EMC9: variants seen among roughly 807,000 people sequenced by gnomAD.
EMC9 encodes ER membrane protein complex subunit 9.
In EMC9, 20 loss-of-function variants were observed where a neutral mutation model predicts 25.0. The observed-to-expected ratio is 0.80, with a 90% CI of 0.56 to 1.16. EMC9 has a LOEUF of 1.16. EMC9 is among the 50% of genes most tolerant of loss of function. EMC9 has a pLI of 0.00. For synonymous variants in EMC9, 100 were observed against 107.0 expected, an observed-to-expected ratio of 0.93 and a Z score of 0.40; for missense variants, 256 against 268.7, an observed-to-expected ratio of 0.95 and a Z score of 0.33.
Position 24,139,873 on chromosome 14 carries a change from C to A in EMC9, c.276-259G>T, listed in dbSNP as rs2038010108. The stretch of plus-strand genomic sequence containing the variant: ...TTGGAAGGTAATTTGGCATAACCAT[C>A]CAAATTGAAACTGTATACATACTAT... On this transcript the variant is annotated intron_variant, in intron 3 of 5. Transcript: ENST00000216799. The surrounding 1 kb of genome is among the most constrained non-coding windows in gnomAD (Gnocchi z 4.6). The A allele has an allele frequency of 4.1e-6, 4 of 963,970 alleles. No homozygotes were observed. The highest frequency in any genetic ancestry group is 6.2e-6 in the Non-Finnish European group (4 of 647,384). The allele number at this position is 963,970 out of a possible 1,614,324, so 59.7% of individuals were successfully genotyped here.
At chr14:24,140,795 G>GCCC in intron 3 of EMC9, 94 bp downstream of exon 3, 5 of 1,030,714 alleles carry the variant, frequency 4.9e-6, no homozygotes, top group Non-Finnish European at 7.4e-6. Context: ...GTGCGCCCCC[G>GCCC]CCCCGCCCAC....
At chr14:24,140,848 C>CGAT in intron 3 of EMC9, 41 bp downstream of exon 3, 1 of 1,609,294 alleles carries the variant, frequency 6.2e-7, no homozygotes, top group Admixed American at 1.7e-5. Context: ...ATCCCCAACC[C>CGAT]GCCATAATCC....
intron 3 of EMC9, among the ~76,000 whole-genome samples, chr14:24,140,610 T>G (rs2038030793): frequency 6.8e-6 from 1 of 146,498 alleles, no homozygotes; most frequent in Non-Finnish European, 1.5e-5. Context: ...AAAAAAAAAA[T>G]CAGTCTGTTG....
At chr14:24,140,799 CGCCCACCG>C in intron 3 of EMC9, 82 bp downstream of exon 3, 2 of 1,381,106 alleles carry the variant, frequency 1.4e-6, no homozygotes, top group Non-Finnish European at 2.0e-6. Context: ...GCCCCCGCCC[CGCCCACCG>C]CCCCACGCAT....
At chr14:24,140,146 AATAT>A (rs57120459) in intron 3 of EMC9, 5,731 of 154,660 alleles carry the variant, frequency 0.037, 126 homozygotes, top group African/African-American at 0.054. Context: ...GTATATGATT[AATAT>A]ATATATATAT....
rs1594361001 is a variant in EMC9 at position 24,139,624 on chromosome 14, G to A, written c.276-10C>T. ...GGCCAGGGGCCCAGGGCTGTGTAGA[G>A]GGAAGATCAGAGGAGTGAGGAGCCA... On this transcript the variant is annotated splice_polypyrimidine_tract_variant and intron_variant, in intron 3 of 5. Coordinates refer to ENST00000216799, the MANE Select transcript of EMC9 (RefSeq NM_016049.4). This position sits in a 1 kb window ranked among gnomAD's most constrained non-coding sequence, Gnocchi z 4.6. 1 of 1,613,106 alleles carries A rather than the reference G, an allele frequency of 6.2e-7. No individual in the cohort carries two copies. Among genetic ancestry groups the A allele is most frequent in the East Asian group, 2.2e-5 (1 of 44,870 alleles).
Position 24,139,660 on chromosome 14 carries a change from A to G in EMC9, c.276-46T>C. On this transcript the variant is annotated intron_variant, in intron 3 of 5. Transcript: ENST00000216799. This position sits in a 1 kb window ranked among gnomAD's most constrained non-coding sequence, Gnocchi z 4.6. ...AGGAGTGAGGAGCCAACTGTGGGCA[A>G]AACCCATCCATTTGAGCTGGGCCTC... The G allele has an allele frequency of 6.3e-7, 1 of 1,598,702 alleles. No individual in the cohort carries two copies. Among genetic ancestry groups the G allele is most frequent in the Non-Finnish European group, 8.5e-7 (1 of 1,172,248 alleles).
At position 24,140,926 on chromosome 14, in the gene EMC9, C is replaced by A; in HGVS notation, c.238G>T (p.Gly80Cys). The change falls in exon 3 of 6, where the codon GGT (glycine) becomes TGT (cysteine). Residue 80 changes from glycine (G) to cysteine (C), a missense_variant. Transcript: ENST00000216799. ...WGAQAGLVVA[G>C]YYHANAAVND... ...ACAGCTGCATTGGCATGGTAGTAAC[C>A]AGCCACCACCAGACCGGCCTGTGCT... 1.9e-6 allele frequency: 3 copies of A among 1,614,256 alleles called. No homozygotes were observed. Among genetic ancestry groups the A allele is most frequent in the Non-Finnish European group, 2.5e-6 (3 of 1,180,054 alleles).
intron 2 of EMC9, 22 bp from the exon 3 acceptor site, chr14:24,140,987 C>T: frequency 6.2e-7 from 1 of 1,614,254 alleles, no homozygotes; most frequent in Non-Finnish European, 8.5e-7. Context: ...AAGGGGCCAT[C>T]AGTAATTAAA....
At position 24,139,159 on chromosome 14, in the gene EMC9, C is replaced by T. The variant is rs1224530822; in HGVS notation, c.478G>A (p.Val160Met). 1.9e-6 allele frequency: 3 copies of T among 1,614,194 alleles called. No individual in the cohort carries two copies. Among genetic ancestry groups the T allele is most frequent in the Non-Finnish European group, 2.5e-6 (3 of 1,180,026 alleles). Residue 160 changes from valine (V) to methionine (M), a missense_variant, in exon 6 of 6, where the codon GTG becomes ATG. By Grantham distance (21) the Val-to-Met change is conservative. Transcript: ENST00000216799. The surrounding 1 kb of genome is among the most constrained non-coding windows in gnomAD (Gnocchi z 4.6). The part of the protein sequence containing the change: ...WRDWEESRQM[V>M]GALLEDRAHQ... ...GCCCGATCTTCCAGTAGAGCTCCCA[C>T]CATCTGCCGTGACTCTTCCCAGTCC... is the stretch of plus-strand genomic sequence containing the variant.
At chr14:24,140,701 T>C (rs2038033862) in intron 3 of EMC9, among the ~76,000 whole-genome samples, 188 bp downstream of exon 3, 3 of 152,122 alleles carry the variant, frequency 2.0e-5, no homozygotes, top group Admixed American at 2.0e-4. Flanking sequence ...CTCACTCCAG[T>C]ACCCAGCATA....
Position 24,141,092 on chromosome 14 carries a change from A to G in EMC9, c.198+15T>C. On this transcript the variant is annotated intron_variant, in intron 2 of 5. Coordinates refer to ENST00000216799, the MANE Select transcript of EMC9 (RefSeq NM_016049.4). ...GGTGGGTTCGCGGTGGGGGATGGGC[A>G]TCCAACGGAGGCACCTGGTTGAGGG... 1 of 1,614,000 alleles carries G rather than the reference A, an allele frequency of 6.2e-7. No individual in the cohort carries two copies. Among genetic ancestry groups the G allele is most frequent in the Non-Finnish European group, 8.5e-7 (1 of 1,180,036 alleles).
In EMC9 at chr14:24,139,185, C is replaced by T; in HGVS notation, c.452G>A (p.Arg151Lys). 2 of 1,614,186 alleles carry T rather than the reference C, an allele frequency of 1.2e-6. No individual in the cohort carries two copies. The highest frequency in any genetic ancestry group is 1.7e-6 in the Non-Finnish European group (2 of 1,180,014). Reference sequence around the variant, plus strand: ...CATCTGCCGTGACTCTTCCCAGTCCCTCCACATCACTCTGAAATAGTAACC... The same window carrying T: ...CATCTGCCGTGACTCTTCCCAGTCCTTCCACATCACTCTGAAATAGTAACC... ...VPKDKNLVMW[R>K]DWEESRQMVG... Residue 151 changes from arginine (R) to lysine (K), a missense_variant, in exon 6 of 6, where the codon AGG becomes AAG. By Grantham distance (26) the Arg-to-Lys change is conservative (BLOSUM62 2). Coordinates refer to ENST00000216799, the MANE Select transcript of EMC9 (RefSeq NM_016049.4). The surrounding 1 kb of genome is among the most constrained non-coding windows in gnomAD (Gnocchi z 4.6).
chr14:24,140,759 T>TA, intron 3 of EMC9, 130 bp downstream of exon 3: 1 of 973,206 alleles, frequency 1.0e-6, no homozygotes, highest in East Asian at 2.6e-5. Context: ...GAAGGAAAGA[T>TA]AAAAGGAACG....
intron 1 of EMC9, 59 bp from the exon 2 acceptor site, chr14:24,141,375 G>T: frequency 3.9e-6 from 6 of 1,539,538 alleles, no homozygotes; most frequent in Non-Finnish European, 5.4e-6. Context: ...TGCCTAGCTC[G>T]CGTCCGTGAA....
At chr14:24,140,773 T>C in intron 3 of EMC9, 116 bp downstream of exon 3, 1 of 1,125,862 alleles carries the variant, frequency 8.9e-7, no homozygotes, top group Non-Finnish European at 1.3e-6. Flanking sequence ...AGGAACGACC[T>C]TGGTTCATCT....
At chr14:24,140,640 GC>G (rs1307848074) in intron 3 of EMC9, among the ~76,000 whole-genome samples, 1 of 148,996 alleles carries the variant, frequency 6.7e-6, no homozygotes, top group African/African-American at 2.5e-5. Flanking sequence ...TGTCCTCCCC[GC>G]CCCAACGGCA....
intron 2 of EMC9, 43 bp downstream of exon 2, chr14:24,141,064 T>C (rs962630537): frequency 1.9e-6 from 3 of 1,613,564 alleles, no homozygotes; most frequent in African/African-American, 1.3e-5. Context: ...GGCTGGGGTG[T>C]TGGGTGGGTT....
chr14:24,141,107 C>A lies in EMC9; in HGVS notation c.198G>T (p.Gln66His). ...LSVMLEVALNQVDVWGAQAGL... is the reference protein window; with the variant it reads ...LSVMLEVALNHVDVWGAQAGL... ...GGGGATGGGCATCCAACGGAGGCAC[C>A]TGGTTGAGGGCGACCTCCAACATGA... Residue 66 changes from glutamine to histidine, a missense_variant and splice_region_variant, in exon 2 of 6, where the codon CAG (glutamine) becomes CAT (histidine). Transcript: ENST00000216799. 1 of 1,614,030 alleles carries A rather than the reference C, an allele frequency of 6.2e-7. No homozygotes were observed. The highest frequency in any genetic ancestry group is 8.5e-7 in the Non-Finnish European group (1 of 1,180,050).
Sources: gnomAD v4.1 joint callset for allele counts (sites outside exome capture counted in the v4.1 genomes callset) on GRCh38, gnomAD v4.1.1 for gene constraint, Gnocchi (gnomAD v3.1) non-coding constraint, MANE v1.5 for transcripts, NCBI Gene and HGNC (gene_info 2026-07-23, HGNC 2026-07-21) for gene names.